PCDHA5: variants seen among roughly 807,000 people sequenced by gnomAD.
The protein encoded by PCDHA5 is protocadherin alpha-5.
A neutral mutation model predicts 61.6 loss-of-function variants in PCDHA5; 43 were observed. That is an observed-to-expected ratio of 0.70 (90% CI 0.55 to 0.90). The LOEUF is 0.90. Among genes scored for constraint, PCDHA5 ranks in the 40% least tolerant of loss-of-function variants. The pLI is 0.00. For synonymous variants in PCDHA5, 627 were observed against 543.9 expected (o/e 1.15, Z -2.13); for missense variants, 1,298 against 1,222.7 (o/e 1.06, Z -0.92).
chr5:140,866,967 C>T (rs1315852276), intron 1 of PCDHA5: 7 of 152,134 alleles, frequency 4.6e-5, no homozygotes, highest in African/African-American at 1.7e-4. Context: ...ATGGTGACAT[C>T]TGAAATATCA....
intron 1 of PCDHA5, among the ~76,000 whole-genome samples, chr5:140,922,088 T>C (rs1361534405): frequency 6.6e-6 from 1 of 152,184 alleles, no homozygotes; most frequent in Non-Finnish European, 1.5e-5. Context: ...AAGTGGTATT[T>C]CTACCAACTA....
chr5:140,945,000 G>A (rs980802301), intron 1 of PCDHA5, among the ~76,000 whole-genome samples: 3 of 151,862 alleles, frequency 2.0e-5, no homozygotes, highest in African/African-American at 7.3e-5. Context: ...AACGGTTGTG[G>A]GTCATGAATT....
chr5:140,967,725 T>C lies in PCDHA5; in HGVS notation c.2353-11224T>C, dbSNP rs782758957. 16 of 1,613,798 alleles carry C rather than the reference T, an allele frequency of 9.9e-6. No individual in the cohort carries two copies. The East Asian group carries it at 2.0e-4, about 20-fold the overall frequency. On this transcript the variant is annotated intron_variant, in intron 1 of 3. Transcript: ENST00000529859. ...GCCAGTACCGGGGAAGTGCGAGTAA[T>C]TGGGGGGCTGGATTATGAGGAAGCC...
At position 140,856,186 on chromosome 5, in the gene PCDHA5, C is replaced by G. The variant is rs1451778566; in HGVS notation, c.2352+32059C>G. 97 of 1,598,138 alleles carry G rather than the reference C, an allele frequency of 6.1e-5. 9 individuals carry two copies. The highest frequency in any genetic ancestry group is 8.0e-5 in the Non-Finnish European group (94 of 1,167,930). Reference sequence around the variant, plus strand: ...CCAGACACGGCACCTTCGTGGGCCGCATCGCGCAGGACCTGGGGCTGGAGC... The same window carrying G: ...CCAGACACGGCACCTTCGTGGGCCGGATCGCGCAGGACCTGGGGCTGGAGC... On this transcript the variant is annotated intron_variant, in intron 1 of 3. Transcript: ENST00000529859.
At chr5:140,846,550 AT>A (rs1279691589) in intron 1 of PCDHA5, among the ~76,000 whole-genome samples, 1 of 147,284 alleles carries the variant, frequency 6.8e-6, no homozygotes, top group East Asian at 2.0e-4. Context: ...AATTTTTTGT[AT>A]TTTTAGTAGA....
intron 1 of PCDHA5, among the ~76,000 whole-genome samples, chr5:140,838,898 G>A (rs1024702738): frequency 6.6e-6 from 1 of 151,748 alleles, no homozygotes; most frequent in Non-Finnish European, 1.5e-5. Context: ...CTAGGTGACA[G>A]AGCAATACCT....
intron 2 of PCDHA5, among the ~76,000 whole-genome samples, chr5:140,980,525 G>C (rs1554241939): frequency 6.6e-6 from 1 of 152,166 alleles, no homozygotes; most frequent in African/African-American, 2.4e-5. Context: ...AGCTACTAGG[G>C]AGGCTGAGGC....
chr5:141,002,873 G>C (rs780574639), intron 3 of PCDHA5, among the ~76,000 whole-genome samples: 44 of 152,148 alleles, frequency 2.9e-4, no homozygotes, highest in Admixed American at 2.6e-4. Context: ...AAGTCCTCAA[G>C]AACAGAAAGA....
At chr5:140,992,020 TGTGTG>T (rs1460938904) in intron 3 of PCDHA5, among the ~76,000 whole-genome samples, 1 of 51,270 alleles carries the variant, frequency 2.0e-5, no homozygotes, top group African/African-American at 5.9e-5. Flanking sequence ...GGTGGCTCTG[TGTGTG>T]TGTGTGTGTG....
chr5:140,843,741 A>T, intron 1 of PCDHA5: 3 of 1,536,408 alleles, frequency 2.0e-6, no homozygotes. Context: ...TTTAGAACTC[A>T]TAAATTCTAT....
intron 1 of PCDHA5, chr5:140,877,996 AT>A (rs1305761926): frequency 2.6e-5 from 27 of 1,037,884 alleles, no homozygotes; most frequent in Non-Finnish European, 3.2e-5. Flanking sequence ...ACTTTTATGT[AT>A]TTGTCTAACA....
chr5:140,949,263 C>T (rs1210516513), intron 1 of PCDHA5, among the ~76,000 whole-genome samples: 3 of 151,832 alleles, frequency 2.0e-5, no homozygotes, highest in South Asian at 4.1e-4. Flanking sequence ...GAACATATCA[C>T]GTGCACTTGA....
intron 3 of PCDHA5, among the ~76,000 whole-genome samples, chr5:141,006,214 TTA>T (rs2098261511): frequency 6.6e-6 from 1 of 152,046 alleles, no homozygotes; most frequent in South Asian, 2.1e-4. Flanking sequence ...TCATTTTTTT[TTA>T]AATTTTTTAT....
intron 1 of PCDHA5, among the ~76,000 whole-genome samples, chr5:140,905,531 C>T (rs2071895291): frequency 6.6e-6 from 1 of 151,776 alleles, no homozygotes; most frequent in African/African-American, 2.4e-5. Context: ...TTTTTTGGTT[C>T]CATATGAACT....
chr5:140,865,854 C>T (rs1029695094), intron 1 of PCDHA5: 1 of 152,144 alleles, frequency 6.6e-6, no homozygotes, highest in Non-Finnish European at 1.5e-5. Context: ...TTTCTCTGCT[C>T]AAACATGGTC....
intron 1 of PCDHA5, chr5:140,849,896 C>G: frequency 6.3e-7 from 1 of 1,598,590 alleles, no homozygotes; most frequent in Non-Finnish European, 8.6e-7. Flanking sequence ...TGAAGGAGAA[C>G]AACCCGCCGG....
intron 1 of PCDHA5, chr5:140,870,088 A>G: frequency 1.9e-6 from 3 of 1,613,934 alleles, no homozygotes; most frequent in Non-Finnish European, 2.5e-6. Flanking sequence ...GACTCCCCCA[A>G]TGGCAGGTCA....
At chr5:140,897,339 C>G (rs1373496877) in intron 1 of PCDHA5, among the ~76,000 whole-genome samples, 14 of 121,352 alleles carry the variant, frequency 1.2e-4, no homozygotes, top group African/African-American at 4.4e-4. Context: ...CCCCCTCCCC[C>G]CACCCCACAA....
chr5:140,963,032 T>C (rs541613535), intron 1 of PCDHA5, among the ~76,000 whole-genome samples: 8 of 152,290 alleles, frequency 5.3e-5, no homozygotes, highest in African/African-American at 1.9e-4. Context: ...CAATTAACAT[T>C]TATTGAGAGT....
Sources: allele counts gnomAD v4.1 joint callset (sites outside exome capture counted in the v4.1 genomes callset), GRCh38; gene constraint gnomAD v4.1.1; transcripts MANE v1.5; gene names NCBI Gene and HGNC (gene_info 2026-07-23, HGNC 2026-07-21).